Variants in ZNF107 observed in about 807,000 individuals in gnomAD.
The protein encoded by ZNF107 is zinc finger protein 107.
In ZNF107, 19 loss-of-function variants were observed where a neutral mutation model predicts 12.3. That is an observed-to-expected ratio of 1.55 (90% confidence interval 1.08 to 2.27). The LOEUF is 2.27. Among genes scored for constraint, ZNF107 ranks in the 30% most tolerant of loss-of-function variants. The pLI is 0.00. For missense variants in ZNF107, 958 were observed against 979.9 expected (o/e 0.98, Z 0.30); for synonymous variants, 317 against 330.5 (o/e 0.96, Z 0.44).
intron 3 of ZNF107, among the ~76,000 whole-genome samples, chr7:64,704,599 C>G (rs1459079945): frequency 6.6e-6 from 1 of 152,142 alleles, no homozygotes; most frequent in African/African-American, 2.4e-5. Flanking sequence ...ATGTTATTTT[C>G]AGTGGAAGGA....
At chr7:64,691,099 C>A in intron 1 of ZNF107, 149 bp from the exon 2 acceptor site, 1 of 737,938 alleles carries the variant, frequency 1.4e-6, no homozygotes, top group Non-Finnish European at 1.7e-6. Context: ...GTCTCAATCT[C>A]TTGACCTCGT....
Position 64,708,202 on chromosome 7 carries a change from A to G in ZNF107, c.2105A>G (p.Glu702Gly). ...LTIHKRIHTG[E>G]KPYQCAECGK... ...ATACATAAGAGAATTCATACGGGAG[A>G]GAAACCTTACCAATGTGCAGAATGT... The change falls in exon 4 of 4, where the codon GAG (glutamate) becomes GGG (glycine). Residue 702 changes from glutamate to glycine, a missense_variant. By Grantham distance (98) the Glu-to-Gly change is moderately conservative. Transcript: ENST00000620827. 6.2e-7 allele frequency: 1 copy of G among 1,613,134 alleles called. No individual in the cohort carries two copies. The highest frequency in any genetic ancestry group is 1.7e-5 in the Admixed American group (1 of 59,868).
intron 3 of ZNF107, among the ~76,000 whole-genome samples, chr7:64,694,578 GCTGGTCTTTAAATC>G (rs1790225081): frequency 6.6e-6 from 1 of 151,198 alleles, no homozygotes; most frequent in African/African-American, 2.4e-5. Context: ...TATAACTGAG[GCTGGTCTTTAAATC>G]CTGGTCTGAA....
At position 64,688,429 on chromosome 7, in the gene ZNF107, G is replaced by C. The variant is rs531836991; in HGVS notation, c.4-2819G>C. On this transcript the variant is annotated intron_variant, in intron 1 of 3. Coordinates refer to ENST00000620827, the MANE Select transcript of ZNF107 (RefSeq NM_001282359.2). ...GCACCAAGACGTACAGCTAATTTTT[G>C]TATGTTTAGTGGAAGGGGGGGTTTC... 1.8e-3 allele frequency among the ~76,000 whole-genome samples: 270 copies of C among 151,908 alleles called. 1 individual carries two copies. The highest frequency in any genetic ancestry group is 3.2e-3 in the Non-Finnish European group (219 of 67,928).
chr7:64,708,610 T>G lies in ZNF107; in HGVS notation c.2513T>G (p.Ile838Ser). The G allele has an allele frequency of 6.3e-7, 1 of 1,595,416 alleles. No homozygotes were observed. The highest frequency in any genetic ancestry group is 8.6e-7 in the Non-Finnish European group (1 of 1,168,400). The change falls in exon 4 of 4, where the codon ATT becomes AGT. Residue 838 changes from isoleucine (I) to serine (S), a missense_variant. Ile to Ser is a moderately radical substitution (Grantham distance 142). Coordinates refer to ENST00000620827, the MANE Select transcript of ZNF107 (RefSeq NM_001282359.2). The stretch of plus-strand genomic sequence containing the variant: ...TCAAATCTTACTACACATAAGAAAA[T>G]TCATACTGGAGAGAAACCCTACAAA... ...LSSNLTTHKK[I>S]HTGEKPYKCE...
Position 64,709,829 on chromosome 7 carries a change from A to G in ZNF107, c.*1173A>G, listed in dbSNP as rs1790825119. ...ATCTTTCAGAAAATATAAGCCTTTA[A>G]AGTGAAGAAGAGGAGCCAGTTGTGC... On this transcript the variant is annotated 3_prime_UTR_variant, in exon 4 of 4. Transcript: ENST00000620827. 2.3e-6 allele frequency: 1 copy of G among 437,210 alleles called. No individual in the cohort carries two copies. 27.1% of individuals were successfully genotyped at this position (437,210 alleles called of 1,614,324 possible).
intron 1 of ZNF107, chr7:64,669,308 C>G (rs927169525): frequency 6.6e-6 from 1 of 151,978 alleles, no homozygotes; most frequent in African/African-American, 2.4e-5. Flanking sequence ...CTGCACCCAG[C>G]TGGTTAATGC....
In ZNF107 at chr7:64,708,327, C is replaced by T. The variant is rs767997866; in HGVS notation, c.2230C>T (p.Leu744=). 1 of 1,613,194 alleles carries T rather than the reference C, an allele frequency of 6.2e-7. No individual in the cohort carries two copies. The change falls in exon 4 of 4, where the codon CTA becomes TTA. Residue 744 remains leucine, a synonymous_variant. Transcript: ENST00000620827. ...KCKECGKAFN[L]SSTLTAHKKI... ...TAAAGAATGTGGCAAAGCTTTTAAC[C>T]TATCCTCAACCCTTACTGCACATAA...
In ZNF107 at chr7:64,706,455, G is replaced by A. The variant is rs1317079553; in HGVS notation, c.358G>A (p.Val120Met). The A allele has an allele frequency of 1.2e-6, 2 of 1,613,776 alleles. No individual in the cohort carries two copies. The highest frequency in any genetic ancestry group is 1.7e-6 in the Non-Finnish European group (2 of 1,179,800). ...ACAGTTAAGAAAAGGCTGTAAACAT[G>A]TGGATGAGTGTACGGGGCACAAAGG... ...NLQLRKGCKH[V>M]DECTGHKGGH... is the part of the protein sequence containing the mutation. Residue 120 changes from valine to methionine, a missense_variant, in exon 4 of 4, where the codon GTG becomes ATG. By Grantham distance (21) the Val-to-Met change is conservative (BLOSUM62 1). Coordinates refer to ENST00000620827, the MANE Select transcript of ZNF107 (RefSeq NM_001282359.2).
chr7:64,678,847 A>T (rs1316145045), intron 1 of ZNF107: 1 of 152,122 alleles, frequency 6.6e-6, no homozygotes, highest in Non-Finnish European at 1.5e-5. Context: ...CAAGACAAAT[A>T]AGGGTGATGT....
chr7:64,707,746 C>T lies in ZNF107; in HGVS notation c.1649C>T (p.Ser550Leu), dbSNP rs181925675. 5.0e-6 allele frequency: 8 copies of T among 1,612,574 alleles called. No individual in the cohort carries two copies. The highest frequency in any genetic ancestry group is 6.8e-6 in the Non-Finnish European group (8 of 1,179,502). Residue 550 changes from serine (S) to leucine (L), a missense_variant, in exon 4 of 4, where the codon TCA becomes TTA. Coordinates refer to ENST00000620827, the MANE Select transcript of ZNF107 (RefSeq NM_001282359.2). ...TGTGGCAAAGCTTTTAACCGATTCT[C>T]AACCCTTACTAAACATAAGAGAATT... ...EECGKAFNRF[S>L]TLTKHKRIHT...
In ZNF107 at chr7:64,708,985, C is replaced by T; in HGVS notation, c.*329C>T. 2.2e-6 allele frequency: 1 copy of T among 462,886 alleles called. No homozygotes were observed. Among genetic ancestry groups the T allele is most frequent in the Non-Finnish European group, 4.1e-6 (1 of 244,586 alleles). The allele number at this position is 462,886 out of a possible 1,614,324, so 28.7% of individuals were successfully genotyped here. A position where few individuals can be genotyped will look rare whatever the true frequency, so the allele number is the denominator to read the frequency against. On this transcript the variant is annotated 3_prime_UTR_variant, in exon 4 of 4. Coordinates refer to ENST00000620827, the MANE Select transcript of ZNF107 (RefSeq NM_001282359.2). ...TACAAATGAGAAGAATGTGGCAATG[C>T]CTTTAATCAGTCCTCACACCTTTCT...
rs1790673438 is a variant in ZNF107 at position 64,706,952 on chromosome 7, C to T, written c.855C>T (p.Tyr285=). The part of the protein sequence containing the change: ...HKIIHTGEKP[Y]KYEECGKVFS... Reference sequence around the variant, plus strand: ...TAATTCATACTGGAGAAAAACCTTACAAATATGAAGAATGTGGCAAAGTCT... The same window carrying T: ...TAATTCATACTGGAGAAAAACCTTATAAATATGAAGAATGTGGCAAAGTCT... Residue 285 remains tyrosine, a synonymous_variant, in exon 4 of 4, where the codon TAC becomes TAT. Coordinates refer to ENST00000620827, the MANE Select transcript of ZNF107 (RefSeq NM_001282359.2). 1 of 1,613,026 alleles carries T rather than the reference C, an allele frequency of 6.2e-7. No individual in the cohort carries two copies.
At chr7:64,687,530 A>G (rs1446321701) in intron 1 of ZNF107, 25 of 985,314 alleles carry the variant, frequency 2.5e-5, no homozygotes, top group Non-Finnish European at 3.0e-5. Flanking sequence ...AGAGGACACA[A>G]GCTACCAGGA....
chr7:64,670,576 GTGTT>G (rs1336896191), intron 1 of ZNF107, among the ~76,000 whole-genome samples: 1 of 152,204 alleles, frequency 6.6e-6, no homozygotes, highest in Admixed American at 6.5e-5. Flanking sequence ...TGCAGAGTGA[GTGTT>G]TGGTTATTAA....
At chr7:64,689,735 AC>A (rs1790053111) in intron 1 of ZNF107, 1 of 152,352 alleles carries the variant, frequency 6.6e-6, no homozygotes, top group African/African-American at 2.4e-5. Flanking sequence ...TCTCACAATC[AC>A]CTAGGCATCT....
At chr7:64,689,166 G>A (rs992991595) in intron 1 of ZNF107, among the ~76,000 whole-genome samples, 4 of 152,000 alleles carry the variant, frequency 2.6e-5, no homozygotes, top group African/African-American at 7.3e-5. Flanking sequence ...TCTATGAGGC[G>A]ATCTCTCCTT....
intron 1 of ZNF107, among the ~76,000 whole-genome samples, chr7:64,685,398 C>A (rs1210324620): frequency 6.6e-6 from 1 of 152,056 alleles, no homozygotes; most frequent in Admixed American, 6.5e-5. Context: ...CCCCAGAAGT[C>A]ATCAGCACCT....
At chr7:64,674,952 GT>G (rs1243622023) in intron 1 of ZNF107, among the ~76,000 whole-genome samples, 1 of 152,176 alleles carries the variant, frequency 6.6e-6, no homozygotes, top group East Asian at 1.9e-4. Context: ...CAGGGATAAA[GT>G]CTACTTGATC....
Sources: allele counts gnomAD v4.1 joint callset (sites outside exome capture counted in the v4.1 genomes callset), GRCh38; gene constraint gnomAD v4.1.1; transcripts MANE v1.5; gene names NCBI Gene and HGNC (gene_info 2026-07-23, HGNC 2026-07-21).